Variants in CCN6 observed in about 807,000 individuals in gnomAD.
CCN6 encodes the protein cellular communication network factor 6.
CCN6 carries 31 observed loss-of-function variants against 37.4 expected under a neutral mutation model. The ratio of observed to expected loss-of-function variants is 0.83; its 90% CI spans 0.62 to 1.12. CCN6 has a LOEUF of 1.12. Among genes scored for constraint, CCN6 ranks in the 50% most tolerant of loss-of-function variants. CCN6 has a pLI of 0.00. For synonymous variants in CCN6, 137 were observed against 142.1 expected (o/e 0.96, Z 0.26); for missense variants, 369 against 413.8 (o/e 0.89, Z 0.94).
chr6:112,066,217 A>G (rs1776691447), intron 3 of CCN6, among the ~76,000 whole-genome samples: 1 of 152,190 alleles, frequency 6.6e-6, no homozygotes, highest in South Asian at 2.1e-4. Context: ...AGTTGACAGC[A>G]TGACACTGTT....
chr6:112,068,067 G>C, intron 3 of CCN6, 138 bp from the exon 4 acceptor site: 1 of 706,924 alleles, frequency 1.4e-6, no homozygotes, highest in East Asian at 2.9e-5. Flanking sequence ...TGATAAATTA[G>C]ACCATCGGCT....
intron 2 of CCN6, among the ~76,000 whole-genome samples, chr6:112,061,576 A>G (rs118052501): frequency 1.3e-5 from 2 of 152,332 alleles, no homozygotes; most frequent in Non-Finnish European, 2.9e-5. Context: ...CTAGAGTCTG[A>G]CTTTTTAAAG....
intron 1 of CCN6, chr6:112,054,669 C>T (rs1321505643): frequency 4.4e-6 from 2 of 459,062 alleles, no homozygotes; most frequent in Non-Finnish European, 8.0e-6. Flanking sequence ...CAGCGCCACG[C>T]TTTCCTATAT....
At chr6:112,057,615 G>A (rs142029496) in intron 1 of CCN6, among the ~76,000 whole-genome samples, 153 of 152,268 alleles carry the variant, frequency 1.0e-3, no homozygotes, top group African/African-American at 3.4e-3. Context: ...AGTATTTCCT[G>A]GAGGACATTT....
intron 3 of CCN6, among the ~76,000 whole-genome samples, chr6:112,067,483 A>G (rs1776732569): frequency 1.3e-5 from 2 of 152,078 alleles, no homozygotes; most frequent in South Asian, 4.1e-4. Context: ...GAAGGGCTCT[A>G]TCTACTCACT....
chr6:112,055,132 G>A (rs1776308737), intron 1 of CCN6, among the ~76,000 whole-genome samples: 1 of 152,204 alleles, frequency 6.6e-6, no homozygotes, highest in Non-Finnish European at 1.5e-5. Flanking sequence ...GGAAACATGG[G>A]TGTGTCTGTG....
upstream of CCN6, among the ~76,000 whole-genome samples, chr6:112,053,342 G>A (rs1776258523): frequency 6.6e-6 from 1 of 151,022 alleles, no homozygotes; most frequent in Non-Finnish European, 1.5e-5. Flanking sequence ...TGTCCCCCAG[G>A]CTGGAGTGCA....
At position 112,068,294 on chromosome 6, in the gene CCN6, A is replaced by T. The variant is rs377444998; in HGVS notation, c.679A>T (p.Ile227Leu). Reference sequence around the variant, plus strand: ...CTGCTCCAGAACATGTGGGATGGGAATATCTAACAGGGTGACCAATGAAAA... The same window carrying T: ...CTGCTCCAGAACATGTGGGATGGGATTATCTAACAGGGTGACCAATGAAAA... The part of the protein sequence containing the change: ...TPCSRTCGMG[I>L]SNRVTNENSN... Residue 227 changes from isoleucine (I) to leucine (L), a missense_variant, in exon 4 of 5, where the codon ATA becomes TTA. Ile to Leu is a conservative substitution (Grantham distance 5). Coordinates refer to ENST00000368666, the MANE Select transcript of CCN6 (RefSeq NM_198239.2). 2 of 1,613,268 alleles carry T rather than the reference A, an allele frequency of 1.2e-6. No homozygotes were observed. The highest frequency in any genetic ancestry group is 1.7e-5 in the Admixed American group (1 of 59,920).
rs916857250 is a variant in CCN6, at chr6:112,060,978, T to G, written c.49-13T>G. 3 of 1,613,882 alleles carry G rather than the reference T, an allele frequency of 1.9e-6. No individual in the cohort carries two copies. The highest frequency in any genetic ancestry group is 2.5e-6 in the Non-Finnish European group (3 of 1,180,004). ...GAAGCTATTTCTAACATCACCTTTATTATCAAATGAAGTTCTGCTGCAGGG... is the reference window on the plus strand; with the variant it reads ...GAAGCTATTTCTAACATCACCTTTAGTATCAAATGAAGTTCTGCTGCAGGG... On this transcript the variant is annotated splice_polypyrimidine_tract_variant and intron_variant, in intron 1 of 4. Coordinates refer to ENST00000368666, the MANE Select transcript of CCN6 (RefSeq NM_198239.2).
At chr6:112,060,004 G>C (rs1554312453) in intron 1 of CCN6, 1 of 1,364,742 alleles carries the variant, frequency 7.3e-7, no homozygotes, top group East Asian at 4.6e-5. Flanking sequence ...GAGAGTAAAA[G>C]AGTGAGCCAT....
At chr6:112,062,675 G>A (rs140558471) in intron 2 of CCN6, among the ~76,000 whole-genome samples, 3 of 152,344 alleles carry the variant, frequency 2.0e-5, no homozygotes, top group African/African-American at 7.2e-5. Flanking sequence ...TGCTTTATTG[G>A]AACATGGCAC....
At chr6:112,057,161 G>A (rs1776371334) in intron 1 of CCN6, among the ~76,000 whole-genome samples, 1 of 152,150 alleles carries the variant, frequency 6.6e-6, no homozygotes, top group Non-Finnish European at 1.5e-5. Flanking sequence ...ACCAACCCAG[G>A]GAGTCCAGCA....
In CCN6 at chr6:112,065,698, T is replaced by C. The variant is rs587774922; in HGVS notation, c.589+701T>C. On this transcript the variant is annotated intron_variant, in intron 3 of 4. Coordinates refer to ENST00000368666, the MANE Select transcript of CCN6 (RefSeq NM_198239.2). ...TTTAAGTAGGTTACCCATGTATCTA[T>C]GTTCTCAGAAAAATGAAGTGTGATC... 2.0e-5 allele frequency among the ~76,000 whole-genome samples: 3 copies of C among 152,144 alleles called. No individual in the cohort carries two copies. In the East Asian group the frequency reaches 5.8e-4, roughly 29 times the overall value.
At chr6:112,057,379 T>C (rs1284073976) in intron 1 of CCN6, among the ~76,000 whole-genome samples, 4 of 152,194 alleles carry the variant, frequency 2.6e-5, no homozygotes, top group Admixed American at 2.6e-4. Context: ...ACTTGAAAAG[T>C]CATTCTGGAG....
At chr6:112,063,951 G>A (rs782096856) in intron 2 of CCN6, among the ~76,000 whole-genome samples, 8 of 152,180 alleles carry the variant, frequency 5.3e-5, no homozygotes, top group Non-Finnish European at 1.2e-4. Flanking sequence ...AGTATTTGAT[G>A]ATTAAGATTT....
Position 112,054,382 on chromosome 6 carries a change from C to A in CCN6, c.25C>A (p.Leu9Ile), listed in dbSNP as rs1554311382. 3.1e-6 allele frequency: 5 copies of A among 1,613,512 alleles called. No homozygotes were observed. The highest frequency in any genetic ancestry group is 4.2e-6 in the Non-Finnish European group (5 of 1,179,924). Residue 9 changes from leucine to isoleucine, a missense_variant, in exon 1 of 5, where the codon CTT (leucine) becomes ATT (isoleucine). Physicochemically the swap from Leu to Ile is conservative, Grantham distance 5. Coordinates refer to ENST00000368666, the MANE Select transcript of CCN6 (RefSeq NM_198239.2). The stretch of plus-strand genomic sequence containing the variant: ...CATGCAGGGGCTCCTCTTCTCCACT[C>A]TTCTGCTTGCTGGCCTGGCACAGGT... The part of the protein sequence containing the change: MQGLLFST[L>I]LLAGLAQFCC...
chr6:112,069,486 A>C lies in CCN6; in HGVS notation c.931A>C (p.Lys311Gln), dbSNP rs781783002. The C allele has an allele frequency of 6.2e-7, 1 of 1,613,798 alleles. No individual in the cohort carries two copies. The highest frequency in any genetic ancestry group is 8.5e-7 in the Non-Finnish European group (1 of 1,179,860). The change falls in exon 5 of 5, where the codon AAA (lysine) becomes CAA (glutamine). Residue 311 changes from lysine (K) to glutamine (Q), a missense_variant. By Grantham distance (53) the Lys-to-Gln change is moderately conservative. Transcript: ENST00000368666. ...DKRCCIPNKS[K>Q]MITIQFDCPN... is the part of the protein sequence containing the mutation. ...GAGATGCTGTATCCCTAATAAGTCT[A>C]AAATGATTACTATTCAATTTGATTG...
chr6:112,061,503 T>C (rs1162287086), intron 2 of CCN6: 2 of 609,402 alleles, frequency 3.3e-6, no homozygotes, highest in East Asian at 5.7e-5. Flanking sequence ...TTCATTGCAC[T>C]GAGGTGATTT....
In CCN6 at chr6:112,061,175, G is replaced by A. The variant is rs1562595388; in HGVS notation, c.233G>A (p.Cys78Tyr). The change falls in exon 2 of 5, where the codon TGT (cysteine) becomes TAT (tyrosine). Residue 78 changes from cysteine (C) to tyrosine (Y), a missense_variant. Physicochemically the swap from Cys to Tyr is radical, Grantham distance 194 (BLOSUM62 -2). Coordinates refer to ENST00000368666, the MANE Select transcript of CCN6 (RefSeq NM_198239.2). ...VRDGCGCCKI[C>Y]AKQPGEICNE... ...GATGGCTGTGGATGCTGTAAAATCT[G>A]TGCCAAGCAACCAGGGGAAATCTGC... The A allele has an allele frequency of 4.3e-6, 7 of 1,614,020 alleles. No homozygotes were observed. In the South Asian group the frequency reaches 6.6e-5, roughly 15 times the overall value.
Sources: gnomAD v4.1 joint callset for allele counts (sites outside exome capture counted in the v4.1 genomes callset) on GRCh38, gnomAD v4.1.1 for gene constraint, MANE v1.5 for transcripts, NCBI Gene and HGNC (gene_info 2026-07-23, HGNC 2026-07-21) for gene names.